The following ADAMTS19 variants were observed in gnomAD, a reference collection of about 807,000 sequenced individuals.
The protein encoded by ADAMTS19 is ADAM metallopeptidase with thrombospondin type 1 motif 19.
A neutral mutation model predicts 153.3 loss-of-function variants in ADAMTS19; 93 were observed. The ratio of observed to expected loss-of-function variants is 0.61; its 90% CI spans 0.51 to 0.72. The LOEUF (loss-of-function observed/expected upper bound fraction) is 0.72. ADAMTS19 is among the 30% of genes least tolerant of loss of function. The pLI is 0.00. For synonymous variants in ADAMTS19, 600 were observed against 556.6 expected (o/e 1.08, Z -1.10); for missense variants, 1,482 against 1,552.1 (o/e 0.95, Z 0.76).
chr5:129,541,177 T>TC, intron 6 of ADAMTS19, among the ~76,000 whole-genome samples: 1 of 112,080 alleles, frequency 8.9e-6, no homozygotes, highest in South Asian at 2.9e-4. Context: ...ACTAGATTTT[T>TC]TTTTTTTTTT....
At chr5:129,518,998 A>G (rs1751701547) in intron 3 of ADAMTS19, among the ~76,000 whole-genome samples, 1 of 152,096 alleles carries the variant, frequency 6.6e-6, no homozygotes, top group African/African-American at 2.4e-5. Flanking sequence ...ACTCTTCAAT[A>G]TGCTAATTGC....
intron 21 of ADAMTS19, among the ~76,000 whole-genome samples, chr5:129,726,742 T>C (rs1345970661): frequency 1.3e-5 from 2 of 152,160 alleles, no homozygotes; most frequent in Non-Finnish European, 2.9e-5. Flanking sequence ...TCTGTCCTTA[T>C]GGGGCATGTC....
intron 18 of ADAMTS19, among the ~76,000 whole-genome samples, chr5:129,686,449 G>C (rs1755096875): frequency 1.3e-5 from 2 of 152,096 alleles, no homozygotes; most frequent in Admixed American, 6.6e-5. Flanking sequence ...TAAAAGGCTA[G>C]AAATATAGAG....
At position 129,642,174 on chromosome 5, in the gene ADAMTS19, TTTG is replaced by T. The variant is rs143209379; in HGVS notation, c.1872+217_1872+219del. 2.5e-3 allele frequency among the ~76,000 whole-genome samples: 377 copies of T among 152,002 alleles called. 1 individual carries two copies. The highest frequency in any genetic ancestry group is 3.6e-3 in the Non-Finnish European group (244 of 67,980). On this transcript the variant is annotated intron_variant, in intron 11 of 22. Coordinates refer to ENST00000274487, the MANE Select transcript of ADAMTS19 (RefSeq NM_133638.6). The stretch of plus-strand genomic sequence containing the variant: ...ATCAATGTGGTGAGGTTTTATTTTA[TTTG>T]TTATTTTATTTGTTGTGAGAATGTT...
intron 14 of ADAMTS19, among the ~76,000 whole-genome samples, 163 bp downstream of exon 14, chr5:129,654,596 C>T (rs1753461603): frequency 6.6e-6 from 1 of 152,140 alleles, no homozygotes; most frequent in Admixed American, 6.6e-5. Flanking sequence ...TACTTTGAAA[C>T]CTCATTTTTC....
Position 129,461,184 on chromosome 5 carries a change from C to A in ADAMTS19, c.174C>A (p.Gly58=). Residue 58 remains glycine, a synonymous_variant, in exon 2 of 23, where the codon GGC becomes GGA. Coordinates refer to ENST00000274487, the MANE Select transcript of ADAMTS19 (RefSeq NM_133638.6). This position sits in a 1 kb window ranked among gnomAD's most constrained non-coding sequence, Gnocchi z 4.6. Reference sequence around the variant, plus strand: ...GCCGGGAGCCGGTGGACCCGGCTGGCGGCAGCGGGGGCAGCGCGGACCCGG... The same window carrying A: ...GCCGGGAGCCGGTGGACCCGGCTGGAGGCAGCGGGGGCAGCGCGGACCCGG... ...LWRREPVDPA[G]GSGGSADPGW... is the part of the protein sequence containing the mutation. The A allele has an allele frequency of 1.5e-6, 2 of 1,361,264 alleles. No individual in the cohort carries two copies. Among genetic ancestry groups the A allele is most frequent in the South Asian group, 1.8e-5 (1 of 54,916 alleles). 84.3% of individuals were successfully genotyped at this position (1,361,264 alleles called of 1,614,324 possible).
intron 8 of ADAMTS19, among the ~76,000 whole-genome samples, chr5:129,601,378 A>G (rs57159516): frequency 0.06 from 9,094 of 151,754 alleles, 438 homozygotes; most frequent in African/African-American, 0.14. Context: ...CATATTTATT[A>G]TGTCCACTAT....
intron 2 of ADAMTS19, among the ~76,000 whole-genome samples, chr5:129,469,712 G>A (rs1233774459): frequency 6.6e-6 from 1 of 152,118 alleles, no homozygotes; most frequent in Non-Finnish European, 1.5e-5. Context: ...GCTTCAAGGT[G>A]TTTACAGTTT....
chr5:129,702,942 ATATATATATATATATATAT>A (rs1253240620), intron 20 of ADAMTS19, among the ~76,000 whole-genome samples: 1 of 19,844 alleles, frequency 5.0e-5, no homozygotes, highest in Admixed American at 9.3e-4. Context: ...AAAAAAAAAA[ATATATATATATATATATAT>A]ATATATATAT....
chr5:129,703,512 C>A (rs1373996751), intron 20 of ADAMTS19, among the ~76,000 whole-genome samples: 1 of 152,092 alleles, frequency 6.6e-6, no homozygotes, highest in African/African-American at 2.4e-5. Flanking sequence ...GTGGGTGGAC[C>A]ACTTGAGGCC....
At chr5:129,572,725 A>G (rs1753957407) in intron 7 of ADAMTS19, among the ~76,000 whole-genome samples, 1 of 151,982 alleles carries the variant, frequency 6.6e-6, no homozygotes, top group Non-Finnish European at 1.5e-5. Context: ...AACAAACATA[A>G]TGACCAGATG....
chr5:129,547,124 G>A (rs1223363135), intron 6 of ADAMTS19, among the ~76,000 whole-genome samples: 4 of 150,738 alleles, frequency 2.7e-5, no homozygotes, highest in African/African-American at 7.5e-5. Flanking sequence ...TAAGGATCTT[G>A]AGGGGGCGAG....
rs191553431 is a variant in ADAMTS19 at position 129,537,297 on chromosome 5, G to A, written c.1328+8620G>A. Among the ~76,000 whole-genome samples, 29 of 152,192 alleles carry A rather than the reference G, an allele frequency of 1.9e-4. No homozygotes were observed. In the East Asian group the frequency reaches 4.1e-3, roughly 21 times the overall value. On this transcript the variant is annotated intron_variant, in intron 6 of 22. Transcript: ENST00000274487. Reference sequence around the variant, plus strand: ...AACAACAGGTGCTGGAGAGGATGTGGAGAAATAGGAACATGTTTACATTGT... The same window carrying A: ...AACAACAGGTGCTGGAGAGGATGTGAAGAAATAGGAACATGTTTACATTGT...
chr5:129,534,738 C>T (rs146324702), intron 6 of ADAMTS19, among the ~76,000 whole-genome samples: 5,266 of 152,284 alleles, frequency 0.035, 299 homozygotes, highest in African/African-American at 0.12. Context: ...ATCAAGTGGG[C>T]TTCATCCCTG....
intron 7 of ADAMTS19, among the ~76,000 whole-genome samples, chr5:129,576,295 C>T (rs1017146069): frequency 6.6e-6 from 1 of 151,990 alleles, no homozygotes; most frequent in East Asian, 1.9e-4. Context: ...CATCTTCTTC[C>T]TCCTGTACCA....
intron 7 of ADAMTS19, among the ~76,000 whole-genome samples, chr5:129,566,392 G>A (rs1216951175): frequency 6.6e-6 from 1 of 152,150 alleles, no homozygotes; most frequent in Admixed American, 6.6e-5. Context: ...GTAAACTGGA[G>A]TAAACACACT....
Position 129,658,305 on chromosome 5 carries a change from AAGAAAAAGAAAGAAAG to A in ADAMTS19, c.2305-310_2305-295del, listed in dbSNP as rs1561632041. Among the ~76,000 whole-genome samples the A allele has an allele frequency of 8.5e-4, 89 of 104,854 alleles. 1 individual carries two copies. Among genetic ancestry groups the A allele is most frequent in the African/African-American group, 2.1e-3 (49 of 23,054 alleles). 68.8% of individuals were successfully genotyped at this position (104,854 alleles called of 152,430 possible). ...CATCTGAAAGAAAAAGAAAGAAAGA[AAGAAAAAGAAAGAAAG>A]AAAGAAAGAAAGAAAGAAAGAAAGA... On this transcript the variant is annotated intron_variant, in intron 14 of 22. Coordinates refer to ENST00000274487, the MANE Select transcript of ADAMTS19 (RefSeq NM_133638.6).
At chr5:129,702,629 T>A (rs1040760076) in intron 20 of ADAMTS19, among the ~76,000 whole-genome samples, 1 of 152,120 alleles carries the variant, frequency 6.6e-6, no homozygotes, top group African/African-American at 2.4e-5. Flanking sequence ...TCTTTTTCAT[T>A]TATAATGTAT....
chr5:129,548,864 A>C (rs1189388618), intron 6 of ADAMTS19, among the ~76,000 whole-genome samples: 2 of 151,932 alleles, frequency 1.3e-5, no homozygotes, highest in Admixed American at 1.3e-4. Flanking sequence ...TGTTGAGTTC[A>C]TGTCCTTTAT....
Sources: allele counts gnomAD v4.1 joint callset (sites outside exome capture counted in the v4.1 genomes callset), GRCh38; gene constraint gnomAD v4.1.1; non-coding constraint Gnocchi (gnomAD v3.1); transcripts MANE v1.5; gene names NCBI Gene and HGNC (gene_info 2026-07-23, HGNC 2026-07-21).